Variants in CSMD3 observed in about 807,000 individuals in gnomAD.
CSMD3 encodes the protein CUB and sushi domain-containing protein 3.
Under a neutral mutation model 435.2 loss-of-function variants are expected in CSMD3, and 177 were observed. The ratio of observed to expected loss-of-function variants is 0.41; its 90% CI spans 0.36 to 0.46. The LOEUF is 0.46. Ranked by LOEUF, CSMD3 falls within the 20% of genes least tolerant of loss-of-function variation. The pLI is 0.34. For missense variants in CSMD3, 4,265 were observed against 4,504.6 expected (o/e 0.95, Z 1.52); for synonymous variants, 1,656 against 1,520.5 (o/e 1.09, Z -2.07).
chr8:113,413,576 G>T (rs773874999), intron 1 of CSMD3, among the ~76,000 whole-genome samples: 1 of 152,026 alleles, frequency 6.6e-6, no homozygotes, highest in Non-Finnish European at 1.5e-5. Context: ...ACAGAACTCA[G>T]GGTTTTGTGA....
At chr8:113,231,607 T>C (rs554910592) in intron 3 of CSMD3, among the ~76,000 whole-genome samples, 2 of 151,548 alleles carry the variant, frequency 1.3e-5, no homozygotes, top group Admixed American at 6.6e-5. Context: ...GAAATTTTCT[T>C]CATTCAACTA....
intron 30 of CSMD3, among the ~76,000 whole-genome samples, 161 bp from the exon 31 acceptor site, chr8:112,492,844 C>A (rs950204495): frequency 6.6e-6 from 1 of 152,084 alleles, no homozygotes; most frequent in Non-Finnish European, 1.5e-5. Flanking sequence ...TGTCATTACT[C>A]CCTAAATAAC....
chr8:112,823,187 T>C (rs1029302519), intron 12 of CSMD3, among the ~76,000 whole-genome samples: 2 of 152,224 alleles, frequency 1.3e-5, no homozygotes, highest in Non-Finnish European at 2.9e-5. Context: ...TTCAACTCCC[T>C]GGAATAGTTT....
chr8:112,320,656 A>T (rs1325289982), intron 45 of CSMD3, among the ~76,000 whole-genome samples: 1 of 127,012 alleles, frequency 7.9e-6, no homozygotes, highest in Non-Finnish European at 1.7e-5. Context: ...CCACCCCACG[A>T]CAGGCCCCGG....
intron 1 of CSMD3, among the ~76,000 whole-genome samples, chr8:113,321,267 T>C (rs182802627): frequency 7.4e-4 from 112 of 152,290 alleles, no homozygotes; most frequent in African/African-American, 2.7e-3. Flanking sequence ...ATGTATCTTA[T>C]ATAATAGCTA....
chr8:112,657,885 T>TACCC (rs2075293077), intron 17 of CSMD3, among the ~76,000 whole-genome samples: 1 of 152,226 alleles, frequency 6.6e-6, no homozygotes, highest in South Asian at 2.1e-4. Flanking sequence ...CTAATCACAG[T>TACCC]AGTGTTTACT....
chr8:112,518,623 TGTGTGTGA>T (rs1444058099), intron 27 of CSMD3, among the ~76,000 whole-genome samples: 10 of 130,560 alleles, frequency 7.7e-5, no homozygotes, highest in Non-Finnish European at 1.2e-4. Context: ...TGTGTGTGTG[TGTGTGTGA>T]GAGAGAGAGA....
intron 27 of CSMD3, among the ~76,000 whole-genome samples, chr8:112,544,605 A>T (rs1252004730): frequency 2.0e-5 from 3 of 152,166 alleles, no homozygotes; most frequent in East Asian, 1.9e-4. Flanking sequence ...TCTGCTTTTT[A>T]AAAAAATTTG....
chr8:112,507,937 T>C (rs1822702534), intron 28 of CSMD3, among the ~76,000 whole-genome samples: 2 of 152,156 alleles, frequency 1.3e-5, no homozygotes, highest in South Asian at 4.1e-4. Context: ...TCACCACTAC[T>C]TTCCTGTCGC....
chr8:112,807,212 T>C (rs1404067807), intron 12 of CSMD3, among the ~76,000 whole-genome samples: 4 of 152,184 alleles, frequency 2.6e-5, no homozygotes, highest in Non-Finnish European at 4.4e-5. Flanking sequence ...CCCTAGTGCT[T>C]AAGCACAAGC....
intron 4 of CSMD3, among the ~76,000 whole-genome samples, chr8:113,116,548 G>A (rs1216331704): frequency 6.6e-6 from 1 of 152,100 alleles, no homozygotes; most frequent in Non-Finnish European, 1.5e-5. Context: ...ATTGGTACAG[G>A]GAGCGGGGCA....
At chr8:112,376,957 T>A (rs1284050804) in intron 38 of CSMD3, among the ~76,000 whole-genome samples, 113 of 152,136 alleles carry the variant, frequency 7.4e-4, no homozygotes, top group Non-Finnish European at 4.4e-5. Flanking sequence ...CCTAATTACA[T>A]TTGTGATAAT....
intron 4 of CSMD3, among the ~76,000 whole-genome samples, chr8:113,170,332 A>C (rs2092245622): frequency 6.6e-6 from 1 of 152,152 alleles, no homozygotes; most frequent in Non-Finnish European, 1.5e-5. Context: ...ACACCTTAGA[A>C]AGTTAGATCA....
rs546212093 is a variant in CSMD3 at position 112,521,848 on chromosome 8, T to A, written c.4565-4623A>T. Among the ~76,000 whole-genome samples, 280 of 151,880 alleles carry A rather than the reference T, an allele frequency of 1.8e-3. 2 individuals are homozygous for A. The highest frequency in any genetic ancestry group is 6.3e-3 in the African/African-American group (262 of 41,520). ...AAAAATGTAAAAAATAAGTATAAAA[T>A]TTCACCTATATAAATTTTTCCTAGA... On this transcript the variant is annotated intron_variant, in intron 27 of 70. Transcript: ENST00000297405.
chr8:112,878,230 A>G (rs926786746), intron 10 of CSMD3, among the ~76,000 whole-genome samples: 2 of 152,210 alleles, frequency 1.3e-5, no homozygotes, highest in African/African-American at 4.8e-5. Context: ...AGAAAAAACA[A>G]ACAACCTCAT....
chr8:113,062,707 T>C (rs983524157), intron 5 of CSMD3, among the ~76,000 whole-genome samples: 29 of 151,820 alleles, frequency 1.9e-4, no homozygotes, highest in African/African-American at 6.8e-4. Flanking sequence ...TCCCTTTTGT[T>C]TGACAAAAAT....
chr8:112,974,794 A>C (rs1464860812), intron 7 of CSMD3, among the ~76,000 whole-genome samples: 1 of 151,826 alleles, frequency 6.6e-6, no homozygotes, highest in Admixed American at 6.6e-5. Flanking sequence ...GTATGTAAAG[A>C]TGTCTTGATT....
At chr8:112,487,857 T>C (rs1408058758) in intron 31 of CSMD3, among the ~76,000 whole-genome samples, 1 of 152,186 alleles carries the variant, frequency 6.6e-6, no homozygotes, top group African/African-American at 2.4e-5. Flanking sequence ...AGATTATGGA[T>C]AAGAATGATA....
intron 30 of CSMD3, among the ~76,000 whole-genome samples, chr8:112,495,940 A>G (rs1022537145): frequency 6.6e-6 from 1 of 151,292 alleles, no homozygotes; most frequent in Non-Finnish European, 1.5e-5. Flanking sequence ...ATATATTTAT[A>G]CTATATATGT....
Sources: allele counts gnomAD v4.1 joint callset (sites outside exome capture counted in the v4.1 genomes callset), GRCh38; gene constraint gnomAD v4.1.1; transcripts MANE v1.5; gene names NCBI Gene and HGNC (gene_info 2026-07-23, HGNC 2026-07-21).